Variants in LIMCH1 observed in about 807,000 individuals in gnomAD.
LIMCH1 encodes the protein LIM and calponin homology domains 1, also known as LIM and calponin homology domains-containing protein 1.
A neutral mutation model predicts 176.5 loss-of-function variants in LIMCH1; 113 were observed. The observed-to-expected ratio is 0.64, with a 90% confidence interval of 0.55 to 0.75. The LOEUF is 0.75. Ranked by LOEUF, LIMCH1 falls within the 30% of genes least tolerant of loss-of-function variation. The pLI is 0.00. For missense variants in LIMCH1, 1,674 were observed against 1,814.9 expected (o/e 0.92, Z 1.41); for synonymous variants, 619 against 645.9 (o/e 0.96, Z 0.63).
chr4:41,436,171 T>C (rs2062057367), intron 1 of LIMCH1, among the ~76,000 whole-genome samples: 1 of 152,244 alleles, frequency 6.6e-6, no homozygotes, highest in Admixed American at 6.5e-5. Context: ...CCAGGAATTC[T>C]TGTTCCCTCT....
chr4:41,692,326 G>A lies in LIMCH1; in HGVS notation c.4320G>A (p.Thr1440=), dbSNP rs1173998014. Residue 1440 remains threonine, a synonymous_variant, in exon 31 of 32, where the codon ACG becomes ACA. Transcript: ENST00000503057. ...AGCTTGGAGATGCAGTGAGTGGGAC[G>A]GATGTTAGGATTCGAAATGGTCTCC... ...KGQLGDAVSG[T]DVRIRNGLLN... The A allele has an allele frequency of 1.8e-5, 29 of 1,613,390 alleles. No individual in the cohort carries two copies. The highest frequency in any genetic ancestry group is 2.2e-5 in the East Asian group (1 of 44,862).
chr4:41,419,600 T>TCCTTCCTTCCTTCCTTCC (rs2060304734), intron 1 of LIMCH1, among the ~76,000 whole-genome samples: 1 of 69,288 alleles, frequency 1.4e-5, no homozygotes, highest in Admixed American at 1.4e-4. Flanking sequence ...CCTTCCTTCC[T>TCCTTCCTTCCTTCCTTCC]TCCGTCCTTC....
At chr4:41,540,800 T>TG (rs2078536937) in intron 1 of LIMCH1, among the ~76,000 whole-genome samples, 1 of 152,220 alleles carries the variant, frequency 6.6e-6, no homozygotes, top group Non-Finnish European at 1.5e-5. Context: ...TCCTGCTCCT[T>TG]GCCAGGTACT....
At chr4:41,649,741 TG>T (rs980905886) in intron 17 of LIMCH1, among the ~76,000 whole-genome samples, 1 of 152,250 alleles carries the variant, frequency 6.6e-6, no homozygotes, top group African/African-American at 2.4e-5. Flanking sequence ...CCGCCCTCTC[TG>T]GTTTCCCTTT....
chr4:41,610,884 T>C (rs1278022957), intron 4 of LIMCH1, among the ~76,000 whole-genome samples: 1 of 152,198 alleles, frequency 6.6e-6, no homozygotes, highest in Non-Finnish European at 1.5e-5. Context: ...CCTAGAAAAT[T>C]AAAATTCAAG....
chr4:41,484,722 A>C (rs2069219286), intron 1 of LIMCH1, among the ~76,000 whole-genome samples: 1 of 152,186 alleles, frequency 6.6e-6, no homozygotes, highest in Admixed American at 6.5e-5. Flanking sequence ...AAAAGTTGCC[A>C]AAATCTGTTA....
chr4:41,563,517 A>G (rs547133168), intron 1 of LIMCH1, among the ~76,000 whole-genome samples: 1 of 152,332 alleles, frequency 6.6e-6, no homozygotes, highest in South Asian at 2.1e-4. Context: ...ACAAAAGAGT[A>G]GAATTGAGTC....
intron 18 of LIMCH1, among the ~76,000 whole-genome samples, chr4:41,654,367 T>A (rs2094404494): frequency 6.6e-6 from 1 of 152,130 alleles, no homozygotes; most frequent in South Asian, 2.1e-4. Flanking sequence ...GCACTGAATC[T>A]CCAGATGATT....
chr4:41,661,043 A>C (rs1422635851), intron 18 of LIMCH1, among the ~76,000 whole-genome samples: 1 of 152,218 alleles, frequency 6.6e-6, no homozygotes, highest in Non-Finnish European at 1.5e-5. Flanking sequence ...CTGAGAAGTT[A>C]ATTGTAACCT....
At chr4:41,398,271 C>CAT (rs777612716) in intron 1 of LIMCH1, among the ~76,000 whole-genome samples, 2 of 150,598 alleles carry the variant, frequency 1.3e-5, no homozygotes, top group East Asian at 1.9e-4. Flanking sequence ...AGGTTAGTTA[C>CAT]ATATATATAC....
At chr4:41,644,839 T>C (rs1219563609) in intron 15 of LIMCH1, among the ~76,000 whole-genome samples, 2 of 152,078 alleles carry the variant, frequency 1.3e-5, no homozygotes, top group Non-Finnish European at 2.9e-5. Flanking sequence ...GCAAACACCC[T>C]GGCCAGAAGC....
intron 30 of LIMCH1, chr4:41,689,894 G>A (rs1724074896): frequency 6.2e-6 from 2 of 322,630 alleles, no homozygotes; most frequent in Non-Finnish European, 1.2e-5. Context: ...TACTCCAGCA[G>A]GAGGCTGAGA....
intron 1 of LIMCH1, among the ~76,000 whole-genome samples, chr4:41,589,604 G>T (rs939589093): frequency 2.0e-5 from 3 of 152,142 alleles, no homozygotes; most frequent in Non-Finnish European, 4.4e-5. Flanking sequence ...CTTCCCTGTT[G>T]CTGGCTTCCC....
chr4:41,643,694 T>C lies in LIMCH1; in HGVS notation c.2127-806T>C, dbSNP rs1346094907. Among the ~76,000 whole-genome samples, 4 of 152,212 alleles carry C rather than the reference T, an allele frequency of 2.6e-5. No homozygotes were observed. In the East Asian group the frequency reaches 7.7e-4, roughly 29 times the overall value. The stretch of plus-strand genomic sequence containing the variant: ...TTGCATTTTTCTTTTAAAAGAGATA[T>C]TCAGAGTTATCCTGACAAAAATTAA... On this transcript the variant is annotated intron_variant, in intron 14 of 31. Transcript: ENST00000503057.
chr4:41,627,243 T>C (rs78088588), intron 8 of LIMCH1, among the ~76,000 whole-genome samples: 7,745 of 152,220 alleles, frequency 0.051, 658 homozygotes, highest in African/African-American at 0.18. Context: ...ATGTCCAAAA[T>C]AGGGCTGAAT....
intron 5 of LIMCH1, 38 bp from the exon 6 acceptor site, chr4:41,619,150 C>G: frequency 6.2e-7 from 1 of 1,609,936 alleles, no homozygotes; most frequent in Non-Finnish European, 8.5e-7. Context: ...TTCTGCTAGC[C>G]TAACACACTT....
At chr4:41,691,359 T>G (rs753802170) in intron 30 of LIMCH1, among the ~76,000 whole-genome samples, 1 of 152,064 alleles carries the variant, frequency 6.6e-6, no homozygotes, top group Non-Finnish European at 1.5e-5. Flanking sequence ...TCCAAGTATA[T>G]CCTACAGTCT....
intron 1 of LIMCH1, among the ~76,000 whole-genome samples, chr4:41,458,546 G>A (rs957998011): frequency 6.6e-6 from 1 of 152,000 alleles, no homozygotes; most frequent in Non-Finnish European, 1.5e-5. Context: ...GGAGGCAGAG[G>A]CGGCCAATCA....
chr4:41,365,851 T>G (rs2052886779), intron 1 of LIMCH1, among the ~76,000 whole-genome samples: 1 of 152,222 alleles, frequency 6.6e-6, no homozygotes, highest in African/African-American at 2.4e-5. Flanking sequence ...CTGGCACTTC[T>G]TGCCCCGGCA....
Sources: gnomAD v4.1 joint callset for allele counts (sites outside exome capture counted in the v4.1 genomes callset) on GRCh38, gnomAD v4.1.1 for gene constraint, MANE v1.5 for transcripts, NCBI Gene and HGNC (gene_info 2026-07-23, HGNC 2026-07-21) for gene names.